The following SRGAP3 variants were observed in gnomAD, a reference collection of about 807,000 sequenced individuals.
SRGAP3 encodes SLIT-ROBO Rho GTPase activating protein 3, also known as SLIT-ROBO Rho GTPase-activating protein 3.
A neutral mutation model predicts 121.1 loss-of-function variants in SRGAP3; 39 were observed. That is an observed-to-expected ratio of 0.32 (90% CI 0.25 to 0.42). The LOEUF is 0.42. SRGAP3 is among the 10% of genes least tolerant of loss of function. The pLI, the probability that SRGAP3 is intolerant of heterozygous loss-of-function variation, is 1.00. For synonymous variants in SRGAP3, 601 were observed against 570.0 expected (o/e 1.05, Z -0.77); for missense variants, 1,213 against 1,470.6 (o/e 0.82, Z 2.86).
At position 9,080,119 on chromosome 3, in the gene SRGAP3, G is replaced by T. The variant is rs368000548; in HGVS notation, c.424-32C>A. The T allele has an allele frequency of 6.2e-6, 10 of 1,612,334 alleles. No homozygotes were observed. The Admixed American group carries it at 6.7e-5, about 11-fold the overall frequency. ...TGTGGAAGAACAAATGTCAGCGGGG[G>T]AGAAGTTTGCTGGCTACATTTACCA... On this transcript the variant is annotated intron_variant, in intron 3 of 21. Coordinates refer to ENST00000383836, the MANE Select transcript of SRGAP3 (RefSeq NM_014850.4).
At chr3:9,178,410 G>A (rs1235141216) in intron 1 of SRGAP3, among the ~76,000 whole-genome samples, 2 of 152,198 alleles carry the variant, frequency 1.3e-5, no homozygotes, top group African/African-American at 4.8e-5. Flanking sequence ...GACCCCTGAT[G>A]GTACCGTGTG....
intron 1 of SRGAP3, among the ~76,000 whole-genome samples, chr3:9,357,873 T>A (rs1248184803): frequency 3.4e-5 from 5 of 145,330 alleles, no homozygotes; most frequent in Non-Finnish European, 7.6e-5. Flanking sequence ...CCATTTGAAA[T>A]TTTTTTTTTT....
chr3:9,060,354 C>G lies in SRGAP3; in HGVS notation c.678G>C (p.Gln226His). The G allele has an allele frequency of 1.2e-6, 2 of 1,613,864 alleles. No individual in the cohort carries two copies. The highest frequency in any genetic ancestry group is 1.7e-6 in the Non-Finnish European group (2 of 1,179,968). Residue 226 changes from glutamine to histidine, a missense_variant, in exon 6 of 22, where the codon CAG becomes CAC. By Grantham distance (24) the Gln-to-His change is conservative (BLOSUM62 0). Transcript: ENST00000383836. ...TCAGCTTGTTCTCAGAGTACTTGGCCTGCCTCTGGAAGAAGAAAAGAGTAG... is the reference window on the plus strand; with the variant it reads ...TCAGCTTGTTCTCAGAGTACTTGGCGTGCCTCTGGAAGAAGAAAAGAGTAG... ...KKIEKMKEKR[Q>H]AKYSENKLKC...
chr3:9,019,656 T>C (rs1215617095), intron 14 of SRGAP3, among the ~76,000 whole-genome samples: 6 of 152,232 alleles, frequency 3.9e-5, no homozygotes, highest in African/African-American at 1.4e-4. Flanking sequence ...CTGTGGAAAG[T>C]GAATACATGT....
At chr3:9,320,865 T>C (rs1011376348) in intron 3 of SRGAP3, among the ~76,000 whole-genome samples, 1 of 151,812 alleles carries the variant, frequency 6.6e-6, no homozygotes, top group Non-Finnish European at 1.5e-5. Context: ...GCACTATACA[T>C]AAAAATTTAC....
intron 3 of SRGAP3, among the ~76,000 whole-genome samples, chr3:9,275,733 C>G (rs1257733757): frequency 3.3e-5 from 5 of 152,160 alleles, no homozygotes; most frequent in African/African-American, 9.7e-5. Context: ...GATTGTGAGG[C>G]CTACCCCATC....
intron 3 of SRGAP3, among the ~76,000 whole-genome samples, chr3:9,288,135 T>TG (rs1319209423): frequency 2.0e-5 from 3 of 150,480 alleles, no homozygotes; most frequent in Non-Finnish European, 4.4e-5. Flanking sequence ...TCTTTGTTTT[T>TG]TTTTTTTTTT....
intron 21 of SRGAP3, 104 bp downstream of exon 21, chr3:8,990,408 A>G (rs1941965276): frequency 2.6e-5 from 37 of 1,423,184 alleles, no homozygotes; most frequent in Non-Finnish European, 3.3e-5. Flanking sequence ...TGGCTTAGCC[A>G]TGAGCCTGGC....
intron 3 of SRGAP3, among the ~76,000 whole-genome samples, chr3:9,269,560 A>C (rs1954434168): frequency 6.6e-6 from 1 of 152,224 alleles, no homozygotes; most frequent in African/African-American, 2.4e-5. Flanking sequence ...GCTATAAATG[A>C]GACAAGGTTT....
At chr3:9,123,787 CAGAG>C (rs150619593) in intron 2 of SRGAP3, among the ~76,000 whole-genome samples, 3,280 of 133,508 alleles carry the variant, frequency 0.025, 107 homozygotes, top group African/African-American at 0.087. Context: ...TGTGTATACA[CAGAG>C]AGAGAGAGAG....
At chr3:9,169,472 T>C (rs147548032) in intron 1 of SRGAP3, among the ~76,000 whole-genome samples, 1 of 152,298 alleles carries the variant, frequency 6.6e-6, no homozygotes, top group African/African-American at 2.4e-5. Context: ...TTCAAGGCTT[T>C]GAGAACAGTA....
At chr3:8,991,769 G>A (rs1384721789) in intron 20 of SRGAP3, among the ~76,000 whole-genome samples, 1 of 152,178 alleles carries the variant, frequency 6.6e-6, no homozygotes, top group Non-Finnish European at 1.5e-5. Flanking sequence ...GTTGGGAATG[G>A]ATTATGACTA....
intron 11 of SRGAP3, chr3:9,033,523 A>T (rs936526174): frequency 2.6e-5 from 4 of 152,408 alleles, no homozygotes; most frequent in African/African-American, 9.7e-5. Flanking sequence ...TCCCAGGTTC[A>T]AGCGATTCTC....
At chr3:9,030,426 C>A (rs1944425942) in intron 12 of SRGAP3, among the ~76,000 whole-genome samples, 1 of 152,338 alleles carries the variant, frequency 6.6e-6, no homozygotes, top group South Asian at 2.1e-4. Flanking sequence ...TCAAACGGAG[C>A]TTTCTATTCC....
chr3:9,254,861 A>G (rs1954093868), intron 3 of SRGAP3, among the ~76,000 whole-genome samples: 1 of 149,010 alleles, frequency 6.7e-6, no homozygotes, highest in African/African-American at 2.5e-5. Context: ...GAGGGAAGGA[A>G]AGAGAGAGAG....
intron 1 of SRGAP3, among the ~76,000 whole-genome samples, chr3:9,361,182 A>G (rs780765043): frequency 1.3e-5 from 2 of 152,196 alleles, no homozygotes; most frequent in Non-Finnish European, 2.9e-5. Flanking sequence ...AACTCATTAC[A>G]GCCTCAACCT....
At chr3:9,328,654 T>C (rs79137230) in intron 2 of SRGAP3, among the ~76,000 whole-genome samples, 7,729 of 152,234 alleles carry the variant, frequency 0.051, 623 homozygotes, top group African/African-American at 0.17. Flanking sequence ...AAATTTAAAA[T>C]AGTCTGTGGA....
chr3:9,136,184 T>C (rs1212259714), intron 1 of SRGAP3, among the ~76,000 whole-genome samples: 1 of 151,964 alleles, frequency 6.6e-6, no homozygotes. Context: ...TTTCGCTCCT[T>C]CTCTAGGCCC....
At chr3:9,070,169 C>A (rs1218738611) in intron 4 of SRGAP3, among the ~76,000 whole-genome samples, 1 of 152,162 alleles carries the variant, frequency 6.6e-6, no homozygotes, top group Non-Finnish European at 1.5e-5. Context: ...TCTTTCAGCC[C>A]CTCATTTAAA....
Sources: allele counts gnomAD v4.1 joint callset (sites outside exome capture counted in the v4.1 genomes callset), GRCh38; gene constraint gnomAD v4.1.1; transcripts MANE v1.5; gene names NCBI Gene and HGNC (gene_info 2026-07-23, HGNC 2026-07-21).